The following PTPRD variants were observed in gnomAD, a reference collection of about 807,000 sequenced individuals.
PTPRD encodes the protein protein tyrosine phosphatase receptor type D, also known as receptor-type tyrosine-protein phosphatase delta.
Under a neutral mutation model 214.5 loss-of-function variants are expected in PTPRD, and 34 were observed. That is an observed-to-expected ratio of 0.16 (90% CI 0.12 to 0.21). PTPRD has a LOEUF of 0.21. Ranked by LOEUF, PTPRD falls within the 10% of genes least tolerant of loss-of-function variation. The pLI is 1.00. For missense variants in PTPRD, 2,545 were observed against 2,398.7 expected (o/e 1.06, Z -1.27); for synonymous variants, 1,128 against 845.7 (o/e 1.33, Z -5.79).
At chr9:8,868,393 G>C (rs1222503487) in intron 11 of PTPRD, among the ~76,000 whole-genome samples, 1 of 152,030 alleles carries the variant, frequency 6.6e-6, no homozygotes, top group Admixed American at 6.6e-5. Flanking sequence ...AGTAGAGAAG[G>C]GGGTGTCACT....
At chr9:8,798,103 C>G (rs2096486119) in intron 11 of PTPRD, among the ~76,000 whole-genome samples, 1 of 152,034 alleles carries the variant, frequency 6.6e-6, no homozygotes, top group Admixed American at 6.6e-5. Flanking sequence ...GAATTCTCTC[C>G]TTTTTTACTT....
intron 5 of PTPRD, among the ~76,000 whole-genome samples, chr9:9,783,381 C>G (rs564697142): frequency 1.3e-5 from 2 of 152,084 alleles, no homozygotes; most frequent in African/African-American, 4.8e-5. Flanking sequence ...TTTCATTAGA[C>G]TTCTCTTTTC....
chr9:8,730,215 C>T lies in PTPRD; in HGVS notation c.64+3565G>A, dbSNP rs80274304. On this transcript the variant is annotated intron_variant, in intron 12 of 45. Transcript: ENST00000381196. ...AGCTTGCACTGAGCCGAGATCGCGC[C>T]ACTGCACTCCAGCCTAGGCGACTGA... 2.6e-4 allele frequency among the ~76,000 whole-genome samples: 39 copies of T among 152,128 alleles called. No homozygotes were observed. In the East Asian group the frequency reaches 7.5e-3, roughly 29 times the overall value.
At chr9:10,068,766 A>G (rs2097932625) in intron 3 of PTPRD, among the ~76,000 whole-genome samples, 1 of 151,930 alleles carries the variant, frequency 6.6e-6, no homozygotes, top group Admixed American at 6.6e-5. Context: ...ACAGTGAAAA[A>G]AGAGTGGAAT....
At chr9:8,929,969 C>T (rs1004076220) in intron 11 of PTPRD, among the ~76,000 whole-genome samples, 1 of 148,198 alleles carries the variant, frequency 6.7e-6, no homozygotes, top group South Asian at 2.1e-4. Context: ...ATATATATAA[C>T]TATTATTATA....
chr9:9,046,018 G>A (rs1238189842), intron 10 of PTPRD, among the ~76,000 whole-genome samples: 1 of 152,044 alleles, frequency 6.6e-6, no homozygotes, highest in African/African-American at 2.4e-5. Context: ...GCTAGAGAAA[G>A]GATAAACTCC....
intron 5 of PTPRD, among the ~76,000 whole-genome samples, chr9:9,832,170 A>G (rs886280153): frequency 3.9e-5 from 6 of 152,014 alleles, no homozygotes; most frequent in East Asian, 1.9e-4. Flanking sequence ...TTTGAAGACT[A>G]TCAAGCTAGT....
At chr9:9,742,118 T>A (rs2098409898) in intron 6 of PTPRD, among the ~76,000 whole-genome samples, 1 of 152,228 alleles carries the variant, frequency 6.6e-6, no homozygotes, top group Admixed American at 6.5e-5. Context: ...AAATGGTATC[T>A]CATTGTGGTT....
intron 3 of PTPRD, among the ~76,000 whole-genome samples, chr9:10,329,469 T>C (rs1597254946): frequency 6.6e-6 from 1 of 152,008 alleles, no homozygotes; most frequent in South Asian, 2.1e-4. Flanking sequence ...TTGGATAGCA[T>C]GTAAAATCAT....
chr9:8,810,215 A>G (rs1486073988), intron 11 of PTPRD, among the ~76,000 whole-genome samples: 2 of 152,242 alleles, frequency 1.3e-5, no homozygotes, highest in African/African-American at 4.8e-5. Context: ...TTGCCATAGT[A>G]TGATAGACTT....
At chr9:9,202,466 A>G (rs972529951) in intron 9 of PTPRD, among the ~76,000 whole-genome samples, 1 of 152,040 alleles carries the variant, frequency 6.6e-6, no homozygotes, top group Non-Finnish European at 1.5e-5. Flanking sequence ...AAAATTTTTC[A>G]TTTTCAAAAT....
At chr9:10,165,713 T>G (rs1349025016) in intron 3 of PTPRD, among the ~76,000 whole-genome samples, 1 of 151,586 alleles carries the variant, frequency 6.6e-6, no homozygotes, top group Admixed American at 6.6e-5. Flanking sequence ...CAAATTTAAA[T>G]GTTTATTACA....
chr9:9,618,071 C>CAAAAAAAAAAAA (rs34125624), intron 7 of PTPRD, among the ~76,000 whole-genome samples: 7 of 23,022 alleles, frequency 3.0e-4, no homozygotes, highest in Non-Finnish European at 3.1e-4. Context: ...GACTCCATCT[C>CAAAAAAAAAAAA]AAAAAAAAAA....
At chr9:9,537,846 G>A (rs192942608) in intron 8 of PTPRD, among the ~76,000 whole-genome samples, 2 of 151,760 alleles carry the variant, frequency 1.3e-5, no homozygotes, top group East Asian at 3.9e-4. Context: ...TAATCTCAGG[G>A]CCAAATTCAT....
intron 4 of PTPRD, among the ~76,000 whole-genome samples, chr9:9,995,903 G>A (rs919105313): frequency 1.3e-5 from 2 of 152,082 alleles, no homozygotes; most frequent in Admixed American, 1.3e-4. Context: ...AACATTATCA[G>A]TGACTGGGAG....
chr9:9,553,532 A>G (rs2080830830), intron 8 of PTPRD, among the ~76,000 whole-genome samples: 1 of 151,848 alleles, frequency 6.6e-6, no homozygotes, highest in African/African-American at 2.4e-5. Flanking sequence ...TTTTTTTTCC[A>G]CATTGGTATT....
intron 3 of PTPRD, among the ~76,000 whole-genome samples, chr9:10,269,996 T>C (rs943526920): frequency 3.9e-5 from 6 of 152,000 alleles, no homozygotes; most frequent in Non-Finnish European, 5.9e-5. Context: ...GTAAGCTTCT[T>C]GAGAGGAGGA....
chr9:8,698,721 A>C (rs766147830), intron 12 of PTPRD, among the ~76,000 whole-genome samples: 13 of 152,160 alleles, frequency 8.5e-5, no homozygotes, highest in Non-Finnish European at 1.6e-4. Context: ...GAGCATACAG[A>C]AATACTCCGG....
intron 9 of PTPRD, among the ~76,000 whole-genome samples, chr9:9,307,026 T>C (rs1483377429): frequency 6.6e-6 from 1 of 152,168 alleles, no homozygotes; most frequent in African/African-American, 2.4e-5. Context: ...ATTGTTAACA[T>C]TTGTTCAGCA....
Sources: allele counts gnomAD v4.1 joint callset (sites outside exome capture counted in the v4.1 genomes callset), GRCh38; gene constraint gnomAD v4.1.1; transcripts MANE v1.5; gene names NCBI Gene and HGNC (gene_info 2026-07-23, HGNC 2026-07-21).